Variants in SMAD7 observed in about 807,000 individuals in gnomAD.
SMAD7 encodes MAD (mothers against decapentaplegic, Drosophila) homolog 7.
SMAD7 carries 8 observed loss-of-function variants against 38.7 expected under a neutral mutation model. The observed-to-expected ratio is 0.21, with a 90% CI of 0.12 to 0.37. The LOEUF is 0.37. SMAD7 is among the 10% of genes least tolerant of loss of function. The pLI, the probability that SMAD7 is intolerant of heterozygous loss-of-function variation, is 1.00. For synonymous variants in SMAD7, 327 were observed against 265.1 expected (o/e 1.23, Z -2.27); for missense variants, 477 against 577.9 (o/e 0.83, Z 1.79).
At chr18:48,926,076 A>G (rs2069924943) in intron 3 of SMAD7, among the ~76,000 whole-genome samples, 1 of 152,228 alleles carries the variant, frequency 6.6e-6, no homozygotes, top group South Asian at 2.1e-4. Flanking sequence ...TGAAGGCGTC[A>G]GGAGATGAGA....
chr18:48,950,607 C>G lies in SMAD7; in HGVS notation c.-183G>C. 1 of 372,730 alleles carries G rather than the reference C, an allele frequency of 2.7e-6. No individual in the cohort carries two copies. Among genetic ancestry groups the G allele is most frequent in the Non-Finnish European group, 4.4e-6 (1 of 229,752 alleles). The allele number at this position is 372,730 out of a possible 1,614,324, so 23.1% of individuals were successfully genotyped here. On this transcript the variant is annotated 5_prime_UTR_variant, in exon 1 of 4. Coordinates refer to ENST00000262158, the MANE Select transcript of SMAD7 (RefSeq NM_005904.4). ...CGCTCCGTGGCATGCGCCAGTCTCC[C>G]GGAGGCCGGGGCGCGCGCGGGGGCC...
Position 48,950,532 on chromosome 18 carries a change from G to T in SMAD7, c.-108C>A. 1 of 1,127,678 alleles carries T rather than the reference G, an allele frequency of 8.9e-7. No homozygotes were observed. Among genetic ancestry groups the T allele is most frequent in the South Asian group, 1.8e-5 (1 of 55,698 alleles). 69.9% of individuals were successfully genotyped at this position (1,127,678 alleles called of 1,614,324 possible). On this transcript the variant is annotated 5_prime_UTR_variant, in exon 1 of 4. Transcript: ENST00000262158. ...CCGAGTTGGGGCAGCAGGCGCAGGC[G>T]ACAGCAGCAGCAGCAGGGGCCCGGG...
chr18:48,948,965 C>A (rs1025863689), intron 1 of SMAD7, among the ~76,000 whole-genome samples: 3 of 152,250 alleles, frequency 2.0e-5, no homozygotes, highest in Admixed American at 2.0e-4. Flanking sequence ...TGAACCCTCA[C>A]ATCACACTCT....
chr18:48,927,565 G>C (rs1198220504), intron 3 of SMAD7, among the ~76,000 whole-genome samples: 1 of 152,084 alleles, frequency 6.6e-6, no homozygotes, highest in South Asian at 2.1e-4. Flanking sequence ...GCAGCCTCCC[G>C]GTAAGTTCAG....
chr18:48,923,963 C>T (rs2143756973), intron 3 of SMAD7, among the ~76,000 whole-genome samples: 1 of 152,242 alleles, frequency 6.6e-6, no homozygotes, highest in Admixed American at 6.5e-5. Flanking sequence ...CGCTGGCAAT[C>T]TTTGAACTTT....
intron 3 of SMAD7, among the ~76,000 whole-genome samples, chr18:48,937,921 A>G (rs1025163117): frequency 3.9e-5 from 6 of 152,222 alleles, no homozygotes; most frequent in Admixed American, 3.9e-4. Context: ...TAGAGACCTC[A>G]GTGAAACCAT....
At chr18:48,936,087 C>T (rs1209945525) in intron 3 of SMAD7, among the ~76,000 whole-genome samples, 5 of 28,670 alleles carry the variant, frequency 1.7e-4, no homozygotes, top group Non-Finnish European at 2.5e-4. Context: ...AACACACACA[C>T]ACACACACAC....
intron 3 of SMAD7, among the ~76,000 whole-genome samples, chr18:48,936,132 C>CA (rs2070063671): frequency 6.8e-6 from 1 of 147,014 alleles, no homozygotes; most frequent in East Asian, 2.0e-4. Flanking sequence ...CACACACACA[C>CA]GAGATCCCAG....
intron 3 of SMAD7, among the ~76,000 whole-genome samples, chr18:48,938,333 A>C (rs948256160): frequency 9.9e-5 from 15 of 152,114 alleles, no homozygotes; most frequent in African/African-American, 3.4e-4. Flanking sequence ...AGAGTTGGCC[A>C]CCCTTGGGTT....
chr18:48,946,116 C>A (rs2143817090), intron 2 of SMAD7, among the ~76,000 whole-genome samples: 1 of 152,294 alleles, frequency 6.6e-6, no homozygotes, highest in East Asian at 1.9e-4. Flanking sequence ...CAGGCCCCAG[C>A]CCCATTCCCA....
At chr18:48,945,626 C>CTTAA (rs2070186755) in intron 2 of SMAD7, among the ~76,000 whole-genome samples, 4 of 152,126 alleles carry the variant, frequency 2.6e-5, no homozygotes, top group Non-Finnish European at 4.4e-5. Flanking sequence ...TTAAGAGGGA[C>CTTAA]CTCGGTTAAG....
intron 3 of SMAD7, among the ~76,000 whole-genome samples, chr18:48,941,758 C>G (rs1370176438): frequency 6.6e-6 from 1 of 152,306 alleles, no homozygotes; most frequent in Non-Finnish European, 1.5e-5. Flanking sequence ...GTGAGTTTCT[C>G]TAAGTACTGC....
chr18:48,930,353 C>T (rs747751279), intron 3 of SMAD7, among the ~76,000 whole-genome samples: 1 of 152,174 alleles, frequency 6.6e-6, no homozygotes, highest in Non-Finnish European at 1.5e-5. Flanking sequence ...GACCCAAGCC[C>T]CCACTCCCTC....
At chr18:48,941,421 G>A (rs566905672) in intron 3 of SMAD7, among the ~76,000 whole-genome samples, 26 of 152,250 alleles carry the variant, frequency 1.7e-4, no homozygotes, top group Admixed American at 1.0e-3. Flanking sequence ...GGAGGGAGCC[G>A]TCCGGGAATG....
rs367953082 is a variant in SMAD7, at chr18:48,931,894, G to A, written c.743-9984C>T. Among the ~76,000 whole-genome samples, 8 of 152,188 alleles carry A rather than the reference G, an allele frequency of 5.3e-5. No individual in the cohort carries two copies. In the East Asian group the frequency reaches 1.5e-3, roughly 29 times the overall value. ...TCTCCCAGCCCCCTCCTGGGACTAG[G>A]GCATCCTGGACACCCTGGGGGGAAG... On this transcript the variant is annotated intron_variant, in intron 3 of 3. Coordinates refer to ENST00000262158, the MANE Select transcript of SMAD7 (RefSeq NM_005904.4).
chr18:48,936,117 C>A (rs1599228574), intron 3 of SMAD7, among the ~76,000 whole-genome samples: 2 of 14,250 alleles, frequency 1.4e-4, no homozygotes, highest in Admixed American at 1.4e-3. Flanking sequence ...CACACACACA[C>A]CACACACACA....
At chr18:48,936,092 ACACACACACACACACACACACACAC>A (rs1223684301) in intron 3 of SMAD7, among the ~76,000 whole-genome samples, 44 of 29,596 alleles carry the variant, frequency 1.5e-3, no homozygotes, top group African/African-American at 7.4e-3. Flanking sequence ...ACACACACAC[ACACACACACACACACACACACACAC>A]CACACACACA....
In SMAD7 at chr18:48,921,480, C is replaced by T. The variant is rs34151545; in HGVS notation, c.1173G>A (p.Thr391=). ...CAAAGCTGATCTGCACGGTAAAGCC[C>T]GTCCACGGCTGCTGCATAAACTCGT... The part of the protein sequence containing the change: ...NDHEFMQQPW[T]GFTVQISFVK... The change falls in exon 4 of 4, where the codon ACG becomes ACA. Residue 391 remains threonine, a synonymous_variant. Transcript: ENST00000262158. The surrounding 1 kb of genome is among the most constrained non-coding windows in gnomAD (Gnocchi z 6.4). 1.1e-5 allele frequency: 18 copies of T among 1,614,080 alleles called. No homozygotes were observed. In the East Asian group the frequency reaches 3.1e-4, roughly 28 times the overall value.
intron 2 of SMAD7, among the ~76,000 whole-genome samples, chr18:48,947,874 C>G (rs929252469): frequency 6.8e-6 from 1 of 147,064 alleles, no homozygotes; most frequent in South Asian, 2.1e-4. Context: ...TTGCAGGTGA[C>G]TGGAGCAGGA....
Sources: gnomAD v4.1 joint callset for allele counts (sites outside exome capture counted in the v4.1 genomes callset) on GRCh38, gnomAD v4.1.1 for gene constraint, Gnocchi (gnomAD v3.1) non-coding constraint, MANE v1.5 for transcripts, NCBI Gene and HGNC (gene_info 2026-07-23, HGNC 2026-07-21) for gene names.